ADGB: variants seen among roughly 807,000 people sequenced by gnomAD.
The protein encoded by ADGB is androglobin, also known as calpain-7-like protein.
A neutral mutation model predicts 210.5 loss-of-function variants in ADGB; 172 were observed. The ratio of observed to expected loss-of-function variants is 0.82; its 90% CI spans 0.72 to 0.93. The LOEUF is 0.93. ADGB is among the 40% of genes least tolerant of loss of function. ADGB has a pLI of 0.00. For synonymous variants in ADGB, 658 were observed against 662.7 expected (o/e 0.99, Z 0.11); for missense variants, 2,025 against 1,964.8 (o/e 1.03, Z -0.58).
In ADGB at chr6:146,697,676, C is replaced by T. The variant is rs912725811; in HGVS notation, c.1578-3265C>T. On this transcript the variant is annotated intron_variant, in intron 12 of 35. Transcript: ENST00000397944. ...TATGAGACACGTTGAACATGACCAA[C>T]GTACTTGCCAGTGGTTCTCAGAAGT... Among the ~76,000 whole-genome samples the T allele has an allele frequency of 2.4e-4, 36 of 152,144 alleles. No individual in the cohort carries two copies. In the East Asian group the frequency reaches 4.3e-3, roughly 18 times the overall value.
chr6:146,710,189 T>G (rs953623316), intron 13 of ADGB, among the ~76,000 whole-genome samples: 2 of 151,526 alleles, frequency 1.3e-5, no homozygotes, highest in African/African-American at 4.8e-5. Flanking sequence ...ATATCTGGTT[T>G]AAGAAATTTG....
rs1408387441 is a variant in ADGB at position 146,785,602 on chromosome 6, T to C, written c.4213-8T>C. The C allele has an allele frequency of 6.5e-6, 10 of 1,547,632 alleles. No individual in the cohort carries two copies. Among genetic ancestry groups the C allele is most frequent in the Non-Finnish European group, 8.7e-6 (10 of 1,143,814 alleles). On this transcript the variant is annotated splice_region_variant and splice_polypyrimidine_tract_variant and intron_variant, in intron 31 of 35. Coordinates refer to ENST00000397944, the MANE Select transcript of ADGB (RefSeq NM_024694.4). ...GCTTTTAAAAAGCTGCTCATGTTTG[T>C]TTTTTAGGCTTCTCAGGCTCGTTTG...
intron 35 of ADGB, among the ~76,000 whole-genome samples, chr6:146,810,124 A>G (rs1194675518): frequency 3.3e-5 from 5 of 152,202 alleles, no homozygotes; most frequent in Non-Finnish European, 7.3e-5. Context: ...AAAGCAAATA[A>G]CCTGGTTTTA....
chr6:146,726,918 G>A (rs750993498), intron 19 of ADGB, among the ~76,000 whole-genome samples: 4 of 152,066 alleles, frequency 2.6e-5, no homozygotes, highest in Non-Finnish European at 4.4e-5. Context: ...GGATTTAGCA[G>A]GGAAGGAGTA....
intron 13 of ADGB, among the ~76,000 whole-genome samples, chr6:146,707,674 C>T (rs942457829): frequency 1.3e-5 from 2 of 152,078 alleles, no homozygotes; most frequent in African/African-American, 2.4e-5. Flanking sequence ...TTTTGCCTTA[C>T]ATTTGCACGG....
chr6:146,724,460 GATT>G, intron 18 of ADGB, 133 bp downstream of exon 18: 1 of 866,792 alleles, frequency 1.2e-6, no homozygotes, highest in Non-Finnish European at 1.6e-6. Context: ...ATAGGTCCAT[GATT>G]ATTATTCTTG....
intron 13 of ADGB, 31 bp from the exon 14 acceptor site, chr6:146,715,351 G>T: frequency 1.4e-6 from 2 of 1,479,436 alleles, no homozygotes; most frequent in East Asian, 2.6e-5. Context: ...ATGTTTTGTT[G>T]GATTCAAAGT....
In ADGB at chr6:146,701,262, C is replaced by T. The variant is rs1776485683; in HGVS notation, c.1707+192C>T. Among the ~76,000 whole-genome samples the T allele has an allele frequency of 3.3e-5, 5 of 152,060 alleles. No individual in the cohort carries two copies. In the South Asian group the frequency reaches 1.0e-3, roughly 32 times the overall value. On this transcript the variant is annotated intron_variant, in intron 13 of 35. Transcript: ENST00000397944. Reference sequence around the variant, plus strand: ...AATAGTCATCTGCTATAGAAGTCCCCTGTGTGTTTCTTCTTGGTTGTATTT... The same window carrying T: ...AATAGTCATCTGCTATAGAAGTCCCTTGTGTGTTTCTTCTTGGTTGTATTT...
intron 35 of ADGB, chr6:146,802,237 G>A (rs970769628): frequency 7.4e-6 from 2 of 270,738 alleles, no homozygotes; most frequent in Non-Finnish European, 6.6e-6. Flanking sequence ...TATCCTCAAA[G>A]ATGGGAAGAA....
At chr6:146,787,692 GCTCTTAAGTACTTTCCTATTGCC>G (rs1562301101) in intron 32 of ADGB, among the ~76,000 whole-genome samples, 1 of 146,000 alleles carries the variant, frequency 6.8e-6, no homozygotes, top group Non-Finnish European at 1.5e-5. Context: ...ATTTCTTCAT[GCTCTTAAGTACTTTCCTATTGCC>G]ACCTTTCTTA....
At chr6:146,784,033 C>T (rs1243528940) in intron 30 of ADGB, among the ~76,000 whole-genome samples, 1 of 152,142 alleles carries the variant, frequency 6.6e-6, no homozygotes, top group African/African-American at 2.4e-5. Context: ...AATTTGCATA[C>T]ATGAAATGCA....
intron 5 of ADGB, among the ~76,000 whole-genome samples, chr6:146,661,939 G>A (rs1241477351): frequency 6.6e-6 from 1 of 152,000 alleles, no homozygotes; most frequent in East Asian, 1.9e-4. Context: ...TAATTTTCCA[G>A]CCTTCCAGAA....
At chr6:146,695,313 G>C (rs1404021350) in intron 12 of ADGB, among the ~76,000 whole-genome samples, 2 of 152,004 alleles carry the variant, frequency 1.3e-5, no homozygotes, top group Non-Finnish European at 2.9e-5. Context: ...GGTGTAATGA[G>C]TAACATCACC....
At chr6:146,641,371 C>T (rs1775511208) in intron 2 of ADGB, among the ~76,000 whole-genome samples, 1 of 151,718 alleles carries the variant, frequency 6.6e-6, no homozygotes, top group Middle Eastern at 3.2e-3. Context: ...CTACCAATGA[C>T]ATTCTTCACA....
chr6:146,711,787 T>C (rs1053489172), intron 13 of ADGB, among the ~76,000 whole-genome samples: 3 of 152,138 alleles, frequency 2.0e-5, no homozygotes, highest in Admixed American at 1.3e-4. Flanking sequence ...CCCAGCATGT[T>C]GGTAGGCTGA....
chr6:146,648,059 G>A (rs1374607409), intron 3 of ADGB, among the ~76,000 whole-genome samples: 1 of 151,836 alleles, frequency 6.6e-6, no homozygotes, highest in South Asian at 2.1e-4. Flanking sequence ...GGACTTTCTT[G>A]TTTTATGTGG....
intron 33 of ADGB, among the ~76,000 whole-genome samples, chr6:146,792,471 T>C (rs1777967566): frequency 6.6e-6 from 1 of 152,100 alleles, no homozygotes; most frequent in African/African-American, 2.4e-5. Flanking sequence ...AATAAGGTAA[T>C]CTTTAAATTG....
At chr6:146,808,735 C>G (rs1286681838) in intron 35 of ADGB, among the ~76,000 whole-genome samples, 1 of 152,106 alleles carries the variant, frequency 6.6e-6, no homozygotes. Context: ...CTCTCCTGTC[C>G]AGGCTGGGAT....
chr6:146,720,715 C>T (rs1241445912), intron 16 of ADGB, among the ~76,000 whole-genome samples: 1 of 152,024 alleles, frequency 6.6e-6, no homozygotes, highest in Non-Finnish European at 1.5e-5. Context: ...CTTACCATGG[C>T]AGAACAGGAG....
Sources: allele counts gnomAD v4.1 joint callset (sites outside exome capture counted in the v4.1 genomes callset), GRCh38; gene constraint gnomAD v4.1.1; transcripts MANE v1.5; gene names NCBI Gene and HGNC (gene_info 2026-07-23, HGNC 2026-07-21).